Variants in POLR1F observed in about 807,000 individuals in gnomAD.
The protein encoded by POLR1F is DNA-directed RNA polymerase I subunit RPA43.
Under a neutral mutation model 21.8 loss-of-function variants are expected in POLR1F, and 23 were observed. That is an observed-to-expected ratio of 1.05 (90% CI 0.76 to 1.49). POLR1F has a LOEUF of 1.49. Ranked by LOEUF, POLR1F falls within the 40% of genes most tolerant of loss-of-function variation. POLR1F has a pLI of 0.00. For synonymous variants in POLR1F, 162 were observed against 152.8 expected (o/e 1.06, Z -0.45); for missense variants, 435 against 412.1 (o/e 1.06, Z -0.48).
chr7:19,696,819 A>ACAT lies in POLR1F; in HGVS notation c.*1494_*1496dup, dbSNP rs1201207929. ...ATTGAGATAGTTTACATTTTTTGGT[A>ACAT]CATCTTTAAAATCTGGTATGTATTT... is the stretch of plus-strand genomic sequence containing the variant. On this transcript the variant is annotated 3_prime_UTR_variant, in exon 4 of 4. Transcript: ENST00000222567. 3 of 152,112 alleles carry ACAT rather than the reference A, an allele frequency of 2.0e-5. No homozygotes were observed. Among genetic ancestry groups the ACAT allele is most frequent in the Non-Finnish European group, 4.4e-5 (3 of 67,956 alleles). 9.4% of individuals were successfully genotyped at this position (152,112 alleles called of 1,614,324 possible). A position where few individuals can be genotyped will look rare whatever the true frequency, so the allele number is the denominator to read the frequency against.
intron 1 of POLR1F, among the ~76,000 whole-genome samples, chr7:19,708,541 CATCTTT>C (rs912067530): frequency 6.6e-6 from 1 of 152,182 alleles, no homozygotes; most frequent in African/African-American, 2.4e-5. Flanking sequence ...ACCTGAACTT[CATCTTT>C]AAGTTTTCTT....
At position 19,698,227 on chromosome 7, in the gene POLR1F, A is replaced by ATACTT; in HGVS notation, c.*84_*88dup. 2 of 1,239,008 alleles carry ATACTT rather than the reference A, an allele frequency of 1.6e-6. No individual in the cohort carries two copies. Among genetic ancestry groups the ATACTT allele is most frequent in the Non-Finnish European group, 2.1e-6 (2 of 937,228 alleles). 76.8% of individuals were successfully genotyped at this position (1,239,008 alleles called of 1,614,324 possible). ...ATTTTCTGTTTTGTAAACTACTGGC[A>ATACTT]TACTTAACCTTTTCATATCACTGAA... On this transcript the variant is annotated 3_prime_UTR_variant, in exon 4 of 4. Transcript: ENST00000222567.
rs966597810 is a variant in POLR1F, at chr7:19,695,733, G to A, written c.*2583C>T. 7 of 152,174 alleles carry A rather than the reference G, an allele frequency of 4.6e-5. No individual in the cohort carries two copies. The East Asian group carries it at 5.8e-4, about 13-fold the overall frequency. 9.4% of individuals were successfully genotyped at this position (152,174 alleles called of 1,614,324 possible). On this transcript the variant is annotated 3_prime_UTR_variant, in exon 4 of 4. Coordinates refer to ENST00000222567, the MANE Select transcript of POLR1F (RefSeq NM_001002926.2). ...GAAGCATGCACATTTAGCCTTGTCT[G>A]GAAAAAGTTTATGCGAAGGTGGTGC...
chr7:19,703,203 C>T (rs1243118706), intron 2 of POLR1F, among the ~76,000 whole-genome samples: 2 of 151,948 alleles, frequency 1.3e-5, no homozygotes, highest in Non-Finnish European at 2.9e-5. Context: ...GATCAAAAGG[C>T]GGCAGATTTT....
At chr7:19,705,317 C>T (rs578016913) in intron 1 of POLR1F, 26 of 157,522 alleles carry the variant, frequency 1.7e-4, no homozygotes, top group African/African-American at 6.2e-4. Flanking sequence ...AAACAAAATG[C>T]CCAATTAATG....
At chr7:19,700,692 G>A (rs75435057) in intron 2 of POLR1F, among the ~76,000 whole-genome samples, 4,465 of 152,174 alleles carry the variant, frequency 0.029, 96 homozygotes, top group East Asian at 0.062. Flanking sequence ...CTTCTAAAAA[G>A]ACCTCATATG....
At chr7:19,705,048 C>G in intron 1 of POLR1F, 128 bp from the exon 2 acceptor site, 3 of 881,554 alleles carry the variant, frequency 3.4e-6, no homozygotes, top group Non-Finnish European at 5.0e-6. Context: ...ACTGCAGCCT[C>G]GACCTCCTGG....
Position 19,708,792 on chromosome 7 carries a change from A to C in POLR1F, c.225T>G (p.Leu75=). The change falls in exon 1 of 4, where the codon CTT becomes CTG. Residue 75 remains leucine, a synonymous_variant. Coordinates refer to ENST00000222567, the MANE Select transcript of POLR1F (RefSeq NM_001002926.2). ...NRKRTGIREQ[L]DAELLRYSES... ...CAGAATAGCGAAGGAGCTCCGCATC[A>C]AGCTGTTCTCGAATGCCGGTGCGTT... 6.2e-7 allele frequency: 1 copy of C among 1,613,792 alleles called. No individual in the cohort carries two copies. Among genetic ancestry groups the C allele is most frequent in the Non-Finnish European group, 8.5e-7 (1 of 1,179,668 alleles).
chr7:19,708,478 T>C (rs1783567416), intron 1 of POLR1F, among the ~76,000 whole-genome samples: 1 of 152,156 alleles, frequency 6.6e-6, no homozygotes, highest in South Asian at 2.1e-4. Flanking sequence ...CCTGGTCTTT[T>C]CCTACCCCTA....
At position 19,706,867 on chromosome 7, in the gene POLR1F, T is replaced by C. The variant is rs1346059648; in HGVS notation, c.254+1896A>G. ...TAGCCTCACTTCAGTTCTTTAATACTATATGTTCAATGTTTTGTCCCTTAT... is the reference window on the plus strand; with the variant it reads ...TAGCCTCACTTCAGTTCTTTAATACCATATGTTCAATGTTTTGTCCCTTAT... On this transcript the variant is annotated intron_variant, in intron 1 of 3. Coordinates refer to ENST00000222567, the MANE Select transcript of POLR1F (RefSeq NM_001002926.2). Among the ~76,000 whole-genome samples, 8 of 152,316 alleles carry C rather than the reference T, an allele frequency of 5.3e-5. No homozygotes were observed. In the East Asian group the frequency reaches 1.3e-3, roughly 26 times the overall value.
chr7:19,696,215 C>A lies in POLR1F; in HGVS notation c.*2101G>T, dbSNP rs1783362195. Reference sequence around the variant, plus strand: ...GTGTCAGAAAGACAAACAAAAAAAACAATGAACAAAGTTATGCTATTCTAG... The same window carrying A: ...GTGTCAGAAAGACAAACAAAAAAAAAAATGAACAAAGTTATGCTATTCTAG... On this transcript the variant is annotated 3_prime_UTR_variant, in exon 4 of 4. Coordinates refer to ENST00000222567, the MANE Select transcript of POLR1F (RefSeq NM_001002926.2). 6.6e-6 allele frequency: 1 copy of A among 151,424 alleles called. No individual in the cohort carries two copies. The highest frequency in any genetic ancestry group is 6.6e-5 in the Admixed American group (1 of 15,202). 9.4% of individuals were successfully genotyped at this position (151,424 alleles called of 1,614,324 possible). A position where few individuals can be genotyped will look rare whatever the true frequency, so the allele number is the denominator to read the frequency against.
Position 19,700,287 on chromosome 7 carries a change from A to C in POLR1F, c.397-7T>G, listed in dbSNP as rs1783432282. 2 of 1,608,944 alleles carry C rather than the reference A, an allele frequency of 1.2e-6. No homozygotes were observed. The highest frequency in any genetic ancestry group is 1.7e-6 in the Non-Finnish European group (2 of 1,175,658). ...ACACTTTATTAACTATACCCTGGGAAGAAGAAGGAAGAAAGAGCGTAACAT... is the reference window on the plus strand; with the variant it reads ...ACACTTTATTAACTATACCCTGGGACGAAGAAGGAAGAAAGAGCGTAACAT... On this transcript the variant is annotated splice_region_variant and splice_polypyrimidine_tract_variant and intron_variant, in intron 2 of 3. Coordinates refer to ENST00000222567, the MANE Select transcript of POLR1F (RefSeq NM_001002926.2).
chr7:19,700,244 A>C lies in POLR1F; in HGVS notation c.433T>G (p.Cys145Gly). The C allele has an allele frequency of 6.2e-7, 1 of 1,613,880 alleles. No individual in the cohort carries two copies. The highest frequency in any genetic ancestry group is 8.5e-7 in the Non-Finnish European group (1 of 1,179,792). The change falls in exon 3 of 4, where the codon TGT becomes GGT. Residue 145 changes from cysteine (C) to glycine (G), a missense_variant. Physicochemically the swap from Cys to Gly is radical, Grantham distance 159 (BLOSUM62 -3). Coordinates refer to ENST00000222567, the MANE Select transcript of POLR1F (RefSeq NM_001002926.2). ...VNKVSSSHIG[C>G]LVHGCFNASI... Reference sequence around the variant, plus strand: ...GCATTGAAACACCCATGTACTAAACAGCCAATGTGGCTAGAAGACACTTTA... The same window carrying C: ...GCATTGAAACACCCATGTACTAAACCGCCAATGTGGCTAGAAGACACTTTA...
chr7:19,707,616 A>G (rs1225060793), intron 1 of POLR1F, among the ~76,000 whole-genome samples: 1 of 152,140 alleles, frequency 6.6e-6, no homozygotes, highest in Non-Finnish European at 1.5e-5. Context: ...ATGTTAAAGT[A>G]CCCTCTTCAA....
intron 2 of POLR1F, among the ~76,000 whole-genome samples, chr7:19,701,545 AC>A (rs1456404378): frequency 6.6e-6 from 1 of 152,186 alleles, no homozygotes; most frequent in Non-Finnish European, 1.5e-5. Flanking sequence ...ATAGTCACAA[AC>A]CTTTTTGGAA....
intron 1 of POLR1F, 113 bp from the exon 2 acceptor site, chr7:19,705,033 G>T: frequency 9.2e-7 from 1 of 1,082,790 alleles, no homozygotes; most frequent in South Asian, 1.9e-5. Context: ...ACATCAACAG[G>T]GCTCACTGCA....
In POLR1F at chr7:19,696,920, CAA is replaced by C. The variant is rs1783373193; in HGVS notation, c.*1394_*1395del. 1 of 152,156 alleles carries C rather than the reference CAA, an allele frequency of 6.6e-6. No individual in the cohort carries two copies. The highest frequency in any genetic ancestry group is 6.5e-5 in the Admixed American group (1 of 15,286). 9.4% of individuals were successfully genotyped at this position (152,156 alleles called of 1,614,324 possible). On this transcript the variant is annotated 3_prime_UTR_variant, in exon 4 of 4. Transcript: ENST00000222567. ...TAGTCACATGAATCTCAATTGTAAT[CAA>C]AGAGGTTGGCCTGCATCCTTCCATT...
chr7:19,704,053 G>T (rs1268494562), intron 2 of POLR1F, among the ~76,000 whole-genome samples: 1 of 152,076 alleles, frequency 6.6e-6, no homozygotes, highest in Non-Finnish European at 1.5e-5. Flanking sequence ...ATTGAAAAAT[G>T]AAAAAAATTG....
At chr7:19,707,904 C>T (rs1447617056) in intron 1 of POLR1F, among the ~76,000 whole-genome samples, 1 of 152,108 alleles carries the variant, frequency 6.6e-6, no homozygotes, top group East Asian at 1.9e-4. Flanking sequence ...ATAAAAACTT[C>T]CGATGCAGTG....
Sources: allele counts gnomAD v4.1 joint callset (sites outside exome capture counted in the v4.1 genomes callset), GRCh38; gene constraint gnomAD v4.1.1; transcripts MANE v1.5; gene names NCBI Gene and HGNC (gene_info 2026-07-23, HGNC 2026-07-21).